The following OLFM1 variants were observed in gnomAD, a reference collection of about 807,000 sequenced individuals.
OLFM1 encodes the protein olfactomedin 1, also known as noelin.
In OLFM1, 9 loss-of-function variants were observed where a neutral mutation model predicts 49.7. The ratio of observed to expected loss-of-function variants is 0.18; its 90% confidence interval spans 0.11 to 0.32. The LOEUF (loss-of-function observed/expected upper bound fraction) is 0.32, where lower values mean the gene tolerates loss of function less well. OLFM1 is among the 10% of genes least tolerant of loss of function. OLFM1 has a pLI of 1.00. For missense variants in OLFM1, 369 were observed against 661.8 expected (o/e 0.56, Z 4.85); for synonymous variants, 240 against 271.8 (o/e 0.88, Z 1.15).
intron 1 of OLFM1, chr9:135,077,433 G>C: frequency 1.6e-6 from 1 of 626,632 alleles, no homozygotes; most frequent in South Asian, 5.8e-5. Context: ...CTGTTCTGGG[G>C]AGAAACTTTT....
chr9:135,107,303 T>C (rs1827368124), intron 5 of OLFM1, among the ~76,000 whole-genome samples: 1 of 152,238 alleles, frequency 6.6e-6, no homozygotes, highest in African/African-American at 2.4e-5. Flanking sequence ...TCATTTGCCA[T>C]TCCTTTCATG....
rs150911384 is a variant in OLFM1 at position 135,115,608 on chromosome 9, G to A, written c.784-3896G>A. On this transcript the variant is annotated intron_variant, in intron 5 of 5. Coordinates refer to ENST00000371793, the MANE Select transcript of OLFM1 (RefSeq NM_001282611.2). The stretch of plus-strand genomic sequence containing the variant: ...GTGGGGATGGGTAGCAGCACCCCTG[G>A]CCTCTGCCCCTAGATGCCAGCAGCA... Among the ~76,000 whole-genome samples the A allele has an allele frequency of 1.7e-3, 252 of 152,330 alleles. 3 individuals carry two copies. Among genetic ancestry groups the A allele is most frequent in the Admixed American group, 0.015 (235 of 15,304 alleles).
chr9:135,109,453 C>T (rs909295734), intron 5 of OLFM1, among the ~76,000 whole-genome samples: 1 of 152,058 alleles, frequency 6.6e-6, no homozygotes, highest in Admixed American at 6.5e-5. Context: ...GAGAAGAAGC[C>T]GCAGGAGAAG....
intron 1 of OLFM1, chr9:135,077,041 T>C: frequency 1.3e-6 from 2 of 1,536,416 alleles, no homozygotes; most frequent in Non-Finnish European, 1.7e-6. Flanking sequence ...AGCCAGTCCC[T>C]CCTGGAGAGG....
intron 5 of OLFM1, among the ~76,000 whole-genome samples, chr9:135,115,454 G>A (rs553075426): frequency 6.6e-6 from 1 of 152,352 alleles, no homozygotes; most frequent in African/African-American, 2.4e-5. Context: ...ATAAGTGGAC[G>A]GAGGGAAATG....
chr9:135,110,266 C>G (rs1023014669), intron 5 of OLFM1, among the ~76,000 whole-genome samples: 1 of 152,168 alleles, frequency 6.6e-6, no homozygotes, highest in Non-Finnish European at 1.5e-5. Flanking sequence ...CTGCTCTGAC[C>G]ATGGCCTGCC....
At chr9:135,081,111 G>A (rs1039301352) in intron 1 of OLFM1, among the ~76,000 whole-genome samples, 5 of 152,106 alleles carry the variant, frequency 3.3e-5, no homozygotes, top group South Asian at 2.1e-4. Context: ...ATGTTGCGGC[G>A]GTCCCAGCAA....
At chr9:135,090,550 G>A (rs138550793) in intron 2 of OLFM1, among the ~76,000 whole-genome samples, 5 of 152,214 alleles carry the variant, frequency 3.3e-5, no homozygotes, top group Non-Finnish European at 7.4e-5. Context: ...GTGGGTGGAT[G>A]GATGGACGGA....
At chr9:135,118,681 GAGTGCTCACTGGGTCTTTGGA>G (rs1831135500) in intron 5 of OLFM1, among the ~76,000 whole-genome samples, 1 of 150,856 alleles carries the variant, frequency 6.6e-6, no homozygotes, top group African/African-American at 2.4e-5. Flanking sequence ...TGGCTCTTTG[GAGTGCTCACTGGGTCTTTGGA>G]AATGCTCACT....
At chr9:135,101,273 G>A (rs184894971) in intron 4 of OLFM1, among the ~76,000 whole-genome samples, 55 of 152,280 alleles carry the variant, frequency 3.6e-4, no homozygotes, top group African/African-American at 1.2e-3. Flanking sequence ...CAGTTTCTTG[G>A]TGTGCCTGCT....
At chr9:135,076,524 G>A in intron 1 of OLFM1, 1 of 1,237,556 alleles carries the variant, frequency 8.1e-7, no homozygotes, top group Admixed American at 2.9e-5. Context: ...ATGCATATTG[G>A]AGCTGGCAGG....
At position 135,078,945 on chromosome 9, in the gene OLFM1, A is replaced by T. The variant is rs144207903; in HGVS notation, c.96+3143A>T. ...TTCCTTGTTTCACAAGGAGGATTAAACAAGATGATTCTTGAGTAAAATCCC... is the reference window on the plus strand; with the variant it reads ...TTCCTTGTTTCACAAGGAGGATTAATCAAGATGATTCTTGAGTAAAATCCC... On this transcript the variant is annotated intron_variant, in intron 1 of 5. Transcript: ENST00000252854. 3.9e-5 allele frequency among the ~76,000 whole-genome samples: 6 copies of T among 152,280 alleles called. No individual in the cohort carries two copies. In the Middle Eastern group the frequency reaches 0.01, roughly 259 times the overall value.
At position 135,080,889 on chromosome 9, in the gene OLFM1, G is replaced by A. The variant is rs1333226473; in HGVS notation, c.96+5087G>A. On this transcript the variant is annotated intron_variant, in intron 1 of 5. Transcript: ENST00000252854. The surrounding 1 kb of genome is among the most constrained non-coding windows in gnomAD (Gnocchi z 4.5). ...TGGCACCGCAGGGCGACCGAAGGGA[G>A]GGGAAGAGAGAACAGGAAGTAAAAA... Among the ~76,000 whole-genome samples the A allele has an allele frequency of 2.0e-5, 3 of 152,006 alleles. No homozygotes were observed. Among genetic ancestry groups the A allele is most frequent in the African/African-American group, 7.2e-5 (3 of 41,390 alleles).
At chr9:135,079,547 G>T (rs1440381076) in intron 1 of OLFM1, among the ~76,000 whole-genome samples, 5 of 152,158 alleles carry the variant, frequency 3.3e-5, no homozygotes, top group African/African-American at 1.2e-4. Flanking sequence ...AGAGGTTGCA[G>T]TGAGCCGAGA....
intron 1 of OLFM1, among the ~76,000 whole-genome samples, chr9:135,089,901 G>A (rs187502336): frequency 1.7e-4 from 26 of 152,272 alleles, no homozygotes; most frequent in African/African-American, 6.3e-4. Flanking sequence ...AGATCAATTT[G>A]GCCAGACGAC....
Position 135,120,262 on chromosome 9 carries a change from A to G in OLFM1, c.*84A>G. 3.5e-6 allele frequency: 4 copies of G among 1,127,502 alleles called. No individual in the cohort carries two copies. The South Asian group carries it at 6.1e-5, about 17-fold the overall frequency. 69.8% of individuals were successfully genotyped at this position (1,127,502 alleles called of 1,614,324 possible). A position where few individuals can be genotyped will look rare whatever the true frequency, so the allele number is the denominator to read the frequency against. ...CTGCTGCCAAAAAGATACCAATAAC[A>G]CTAACAATACCGATCTTGAAAAATC... On this transcript the variant is annotated 3_prime_UTR_variant, in exon 6 of 6. Coordinates refer to ENST00000371793, the MANE Select transcript of OLFM1 (RefSeq NM_001282611.2).
chr9:135,119,544 G>T lies in OLFM1; in HGVS notation c.824G>T (p.Arg275Leu). The T allele has an allele frequency of 6.2e-7, 1 of 1,613,532 alleles. No individual in the cohort carries two copies. Among genetic ancestry groups the T allele is most frequent in the Non-Finnish European group, 8.5e-7 (1 of 1,179,632 alleles). Residue 275 changes from arginine (R) to leucine (L), a missense_variant, in exon 6 of 6, where the codon CGT (arginine) becomes CTT (leucine). Physicochemically the swap from Arg to Leu is moderately radical, Grantham distance 102. Coordinates refer to ENST00000371793, the MANE Select transcript of OLFM1 (RefSeq NM_001282611.2). ...GGCTATCACAACAACCGCTTCGTACGTGAGTACAAGTCCATGGTTGACTTC... is the reference window on the plus strand; with the variant it reads ...GGCTATCACAACAACCGCTTCGTACTTGAGTACAAGTCCATGGTTGACTTC... ...MDGYHNNRFVREYKSMVDFMN... is the reference protein window; with the variant it reads ...MDGYHNNRFVLEYKSMVDFMN...
chr9:135,095,530 A>AAAGAGAG (rs113214887), intron 2 of OLFM1, among the ~76,000 whole-genome samples: 15,377 of 136,644 alleles, frequency 0.11, 1,804 homozygotes, highest in African/African-American at 0.3. Flanking sequence ...AAAAAAAAAA[A>AAAGAGAG]AGAGAGAGAG....
chr9:135,096,911 A>G (rs1172621516), intron 3 of OLFM1, among the ~76,000 whole-genome samples: 1 of 152,232 alleles, frequency 6.6e-6, no homozygotes, highest in Non-Finnish European at 1.5e-5. Flanking sequence ...TGTTTGACCT[A>G]AAATCATAGA....
Sources: gnomAD v4.1 joint callset for allele counts (sites outside exome capture counted in the v4.1 genomes callset) on GRCh38, gnomAD v4.1.1 for gene constraint, Gnocchi (gnomAD v3.1) non-coding constraint, MANE v1.5 for transcripts, NCBI Gene and HGNC (gene_info 2026-07-23, HGNC 2026-07-21) for gene names.